Variants in GGA2 observed in about 807,000 individuals in gnomAD.
The protein encoded by GGA2 is golgi associated, gamma adaptin ear containing, ARF binding protein 2.
In GGA2, 48 loss-of-function variants were observed where a neutral mutation model predicts 79.5. That is an observed-to-expected ratio of 0.60 (90% CI 0.48 to 0.77). The LOEUF (loss-of-function observed/expected upper bound fraction) is 0.77. Ranked by LOEUF, GGA2 falls within the 30% of genes least tolerant of loss-of-function variation. The pLI is 0.00. For missense variants in GGA2, 770 were observed against 774.0 expected, an observed-to-expected ratio of 0.99 and a Z score of 0.06; for synonymous variants, 317 against 302.0, an observed-to-expected ratio of 1.05 and a Z score of -0.51.
At chr16:23,468,841 T>G in intron 16 of GGA2, 45 bp downstream of exon 16, 1 of 1,138,810 alleles carries the variant, frequency 8.8e-7, no homozygotes, top group Non-Finnish European at 1.3e-6. Flanking sequence ...CCCCTTACAG[T>G]TCAGGGGCCC....
upstream of GGA2, chr16:23,522,047 G>A: frequency 3.1e-6 from 1 of 326,272 alleles, no homozygotes; most frequent in Non-Finnish European, 6.1e-6. Context: ...CTGAGATGAT[G>A]GACTAAGGCA....
Position 23,488,593 on chromosome 16 carries a change from T to C in GGA2, c.579+13A>G. ...AAGGTCTGATCAGACACCATGTAGG[T>C]CTGTTTCCTTACCTTGGACTTTTCT... On this transcript the variant is annotated intron_variant, in intron 6 of 16. Coordinates refer to ENST00000309859, the MANE Select transcript of GGA2 (RefSeq NM_015044.4). 2 of 1,431,864 alleles carry C rather than the reference T, an allele frequency of 1.4e-6. No homozygotes were observed. The highest frequency in any genetic ancestry group is 2.0e-6 in the Non-Finnish European group (2 of 1,013,632). 88.7% of individuals were successfully genotyped at this position (1,431,864 alleles called of 1,614,324 possible). A position where few individuals can be genotyped will look rare whatever the true frequency, so the allele number is the denominator to read the frequency against.
In GGA2 at chr16:23,491,732, G is replaced by C. The variant is rs751768029; in HGVS notation, c.420C>G (p.Val140=). The C allele has an allele frequency of 1.9e-6, 3 of 1,611,994 alleles. No homozygotes were observed. The highest frequency in any genetic ancestry group is 1.1e-5 in the South Asian group (1 of 91,022). The stretch of plus-strand genomic sequence containing the variant: ...GAATCTTGATGTCTTCCGGAAACCA[G>C]ACTGTCCAACTGAAGAGTATTTCAA... ...RVIEILFSWT[V]WFPEDIKIRD... is the part of the protein sequence containing the mutation. The change falls in exon 5 of 17, where the codon GTC becomes GTG. Residue 140 remains valine, a synonymous_variant. Transcript: ENST00000309859.
At chr16:23,479,994 C>T in intron 10 of GGA2, 107 bp from the exon 11 acceptor site, 1 of 964,866 alleles carries the variant, frequency 1.0e-6, no homozygotes, top group Non-Finnish European at 1.5e-6. Flanking sequence ...AATGGTAACG[C>T]CCTCCCTGCC....
chr16:23,510,029 G>A (rs1391447734), intron 1 of GGA2, among the ~76,000 whole-genome samples: 1 of 148,594 alleles, frequency 6.7e-6, no homozygotes, highest in Non-Finnish European at 1.5e-5. Context: ...AGGGGAAAGC[G>A]CAGGTCACGT....
At chr16:23,485,893 G>A (rs1195004957) in intron 8 of GGA2, 122 bp downstream of exon 8, 1 of 867,798 alleles carries the variant, frequency 1.2e-6, no homozygotes. Context: ...ACGACATTTG[G>A]GGAGGTGTCA....
At chr16:23,521,973 G>T (rs1965147634) in exon 1 of GGA2, 1 of 363,052 alleles carries the variant, frequency 2.8e-6, no homozygotes, top group African/African-American at 2.1e-5. Flanking sequence ...CAGAACCTCG[G>T]TTTCCATATC....
At chr16:23,515,360 G>A (rs1398375139), upstream of GGA2, among the ~76,000 whole-genome samples, 1 of 151,484 alleles carries the variant, frequency 6.6e-6, no homozygotes, top group East Asian at 1.9e-4. Flanking sequence ...ACTTTGGGAG[G>A]CCAAGGCAGA....
At chr16:23,490,513 T>C (rs995165349) in intron 5 of GGA2, among the ~76,000 whole-genome samples, 7 of 152,234 alleles carry the variant, frequency 4.6e-5, no homozygotes, top group African/African-American at 1.7e-4. Flanking sequence ...GGCAGGCGGA[T>C]CATTTGAGGT....
chr16:23,521,672 C>T (rs1269473752), intron 1 of GGA2: 3 of 452,732 alleles, frequency 6.6e-6, no homozygotes, highest in South Asian at 1.6e-5. Flanking sequence ...AGCATTAGGA[C>T]GTATTTGTCC....
chr16:23,513,295 C>T (rs915440564), upstream of GGA2, among the ~76,000 whole-genome samples: 8 of 152,064 alleles, frequency 5.3e-5, no homozygotes, highest in African/African-American at 1.9e-4. Flanking sequence ...ACAGTGGAAA[C>T]CCTCAGAAGC....
At chr16:23,503,971 C>T (rs1405419524) in intron 1 of GGA2, among the ~76,000 whole-genome samples, 2 of 151,964 alleles carry the variant, frequency 1.3e-5, no homozygotes, top group Non-Finnish European at 2.9e-5. Flanking sequence ...GTCCCAGCTA[C>T]TTGAGAGGCT....
exon 2 of GGA2, chr16:23,519,605 T>C (rs970357157): frequency 3.7e-5 from 16 of 428,532 alleles, no homozygotes; most frequent in Non-Finnish European, 7.5e-5. Flanking sequence ...CTAGGGCAGC[T>C]GTTGGCCAAC....
chr16:23,492,488 A>C (rs1243757140), intron 4 of GGA2, among the ~76,000 whole-genome samples: 10 of 152,064 alleles, frequency 6.6e-5, no homozygotes, highest in Admixed American at 6.5e-4. Flanking sequence ...CAAAACAAAA[A>C]AACCTCAGAT....
intron 13 of GGA2, among the ~76,000 whole-genome samples, chr16:23,477,712 AC>A (rs775610615): frequency 1.3e-5 from 2 of 152,080 alleles, no homozygotes; most frequent in Non-Finnish European, 2.9e-5. Context: ...GCGCCACTGC[AC>A]TCCACCCAGG....
intron 9 of GGA2, 146 bp from the exon 10 acceptor site, chr16:23,480,916 C>G: frequency 1.4e-6 from 1 of 715,330 alleles, no homozygotes; most frequent in South Asian, 1.8e-5. Flanking sequence ...TGTCATCGGA[C>G]CCTATCAGGC....
upstream of GGA2, among the ~76,000 whole-genome samples, chr16:23,513,630 C>T (rs988179802): frequency 6.6e-6 from 1 of 151,480 alleles, no homozygotes; most frequent in African/African-American, 2.4e-5. Flanking sequence ...CAAAAAAATA[C>T]AAAAATTAGC....
At chr16:23,493,523 T>G (rs1376398669) in intron 3 of GGA2, 65 bp from the exon 4 acceptor site, 5 of 1,021,982 alleles carry the variant, frequency 4.9e-6, no homozygotes. Flanking sequence ...CCCTCCAGGC[T>G]GGTAATCACT....
At chr16:23,501,211 A>T (rs1473494887) in intron 1 of GGA2, 2 of 450,116 alleles carry the variant, frequency 4.4e-6, no homozygotes, top group African/African-American at 4.0e-5. Context: ...CTACAGCTCC[A>T]TGTGCAATCG....
Sources: allele counts gnomAD v4.1 joint callset (sites outside exome capture counted in the v4.1 genomes callset), GRCh38; gene constraint gnomAD v4.1.1; transcripts MANE v1.5; gene names NCBI Gene and HGNC (gene_info 2026-07-23, HGNC 2026-07-21).